The following NOL4 variants were observed in gnomAD, a reference collection of about 807,000 sequenced individuals.
The protein encoded by NOL4 is nucleolar protein 4.
In NOL4, 17 loss-of-function variants were observed where a neutral mutation model predicts 75.9. The observed-to-expected ratio is 0.22, with a 90% CI of 0.15 to 0.34. NOL4 has a LOEUF of 0.34. Ranked by LOEUF, NOL4 falls within the 10% of genes least tolerant of loss-of-function variation. The pLI is 1.00. For synonymous variants in NOL4, 292 were observed against 289.9 expected (o/e 1.01, Z -0.07); for missense variants, 614 against 793.5 (o/e 0.77, Z 2.72).
At chr18:33,938,622 GA>G (rs1466585068) in intron 9 of NOL4, among the ~76,000 whole-genome samples, 1 of 151,832 alleles carries the variant, frequency 6.6e-6, no homozygotes, top group African/African-American at 2.4e-5. Flanking sequence ...ACTTTTTGAT[GA>G]GGTTGTTTTT....
At chr18:34,221,169 G>A (rs1461445687) in intron 1 of NOL4, 1 of 152,052 alleles carries the variant, frequency 6.6e-6, no homozygotes, top group African/African-American at 2.4e-5. Context: ...GACAGTTAGA[G>A]GGACCTAAGT....
rs555585063 is a variant in NOL4, at chr18:34,047,748, A to C, written c.773-28147T>G. 3.9e-5 allele frequency among the ~76,000 whole-genome samples: 6 copies of C among 152,232 alleles called. No individual in the cohort carries two copies. In the South Asian group the frequency reaches 1.2e-3, roughly 32 times the overall value. ...GAATTGGGGAAGGAACTGTGTAAGCACAAACCAAAGAGGAAAAGAAAATGA... is the reference window on the plus strand; with the variant it reads ...GAATTGGGGAAGGAACTGTGTAAGCCCAAACCAAAGAGGAAAAGAAAATGA... On this transcript the variant is annotated intron_variant, in intron 5 of 10. Transcript: ENST00000261592.
At chr18:34,183,288 G>A (rs2034191383) in intron 1 of NOL4, among the ~76,000 whole-genome samples, 1 of 151,824 alleles carries the variant, frequency 6.6e-6, no homozygotes, top group African/African-American at 2.4e-5. Context: ...ATAAGCATAG[G>A]AAAAGGTGTT....
At chr18:34,209,872 T>G (rs556170325) in intron 1 of NOL4, among the ~76,000 whole-genome samples, 2 of 152,186 alleles carry the variant, frequency 1.3e-5, no homozygotes, top group African/African-American at 4.8e-5. Flanking sequence ...CTTATGGATA[T>G]AAATATTTTC....
chr18:33,977,587 C>T (rs1452321136), intron 6 of NOL4, among the ~76,000 whole-genome samples: 2 of 152,142 alleles, frequency 1.3e-5, no homozygotes, highest in African/African-American at 4.8e-5. Context: ...TAGGGTATTT[C>T]TTCACAGCAG....
rs140986673 is a variant in NOL4 at position 34,059,843 on chromosome 18, G to A, written c.772+33622C>T. On this transcript the variant is annotated intron_variant, in intron 5 of 10. Coordinates refer to ENST00000261592, the MANE Select transcript of NOL4 (RefSeq NM_003787.5). ...TGCAGAGACCATGTAGGGAGAGGTC[G>A]CATGAAGAGGAAGAGGCTCTGACAC... Among the ~76,000 whole-genome samples the A allele has an allele frequency of 3.1e-3, 468 of 152,202 alleles. 3 individuals are homozygous for A. Among genetic ancestry groups the A allele is most frequent in the Middle Eastern group, 0.017 (5 of 294 alleles).
At chr18:33,924,726 A>G (rs770352041) in intron 9 of NOL4, among the ~76,000 whole-genome samples, 4 of 152,224 alleles carry the variant, frequency 2.6e-5, no homozygotes, top group Non-Finnish European at 5.9e-5. Flanking sequence ...GGCCATTACA[A>G]TGTTAGCGGG....
chr18:33,922,571 G>T (rs966617297), intron 9 of NOL4, among the ~76,000 whole-genome samples: 1 of 152,146 alleles, frequency 6.6e-6, no homozygotes, highest in Non-Finnish European at 1.5e-5. Flanking sequence ...CCTTTAGTCA[G>T]TTGCATCTCA....
At chr18:33,919,960 T>C (rs2066933879) in intron 9 of NOL4, among the ~76,000 whole-genome samples, 1 of 152,212 alleles carries the variant, frequency 6.6e-6, no homozygotes, top group Admixed American at 6.5e-5. Context: ...AATAACAACA[T>C]AATAGACTAC....
intron 9 of NOL4, among the ~76,000 whole-genome samples, chr18:33,897,918 T>A (rs535553691): frequency 2.0e-5 from 3 of 152,212 alleles, no homozygotes; most frequent in South Asian, 4.1e-4. Context: ...ATCTCCTTTT[T>A]AAAATAACTT....
intron 6 of NOL4, among the ~76,000 whole-genome samples, chr18:33,971,771 A>AT (rs199711425): frequency 2.2e-4 from 34 of 151,700 alleles, no homozygotes; most frequent in African/African-American, 7.0e-4. Flanking sequence ...TTATATAAAT[A>AT]TTTTTTTTTC....
intron 9 of NOL4, among the ~76,000 whole-genome samples, chr18:33,916,532 A>ACTG (rs1253301809): frequency 6.6e-6 from 1 of 152,190 alleles, no homozygotes; most frequent in Non-Finnish European, 1.5e-5. Flanking sequence ...AGTGAACCAC[A>ACTG]AGTATAAATT....
chr18:34,023,909 T>A (rs1259573078), intron 5 of NOL4, among the ~76,000 whole-genome samples: 1 of 151,940 alleles, frequency 6.6e-6, no homozygotes, highest in African/African-American at 2.4e-5. Context: ...CCTCCATGAA[T>A]TAGTAGAGAC....
chr18:33,907,744 C>T (rs1016535601), intron 9 of NOL4, among the ~76,000 whole-genome samples: 1 of 152,066 alleles, frequency 6.6e-6, no homozygotes, highest in Non-Finnish European at 1.5e-5. Context: ...GCAATTTAAT[C>T]AAATTTGTGA....
In NOL4 at chr18:33,897,334, T is replaced by C. The variant is rs116158424; in HGVS notation, c.1543-13910A>G. The stretch of plus-strand genomic sequence containing the variant: ...CATGTGAATGTTCATTGCAACACTA[T>C]TCATGATAGCAAAGACATGGAATCA... On this transcript the variant is annotated intron_variant, in intron 9 of 10. Transcript: ENST00000261592. 2.0e-3 allele frequency among the ~76,000 whole-genome samples: 299 copies of C among 152,298 alleles called. 1 individual carries two copies. The highest frequency in any genetic ancestry group is 5.8e-3 in the African/African-American group (241 of 41,574).
chr18:33,980,464 T>C (rs2145973775), intron 6 of NOL4, among the ~76,000 whole-genome samples: 1 of 152,162 alleles, frequency 6.6e-6, no homozygotes, highest in South Asian at 2.1e-4. Flanking sequence ...GAGCATTCTG[T>C]TCTTTCCGGT....
At chr18:33,925,708 G>A (rs2067283672) in intron 9 of NOL4, among the ~76,000 whole-genome samples, 1 of 152,088 alleles carries the variant, frequency 6.6e-6, no homozygotes, top group South Asian at 2.1e-4. Context: ...TCCAAAGGGA[G>A]CTAAATATTT....
intron 6 of NOL4, among the ~76,000 whole-genome samples, chr18:33,990,607 A>G (rs2072849216): frequency 6.6e-6 from 1 of 152,076 alleles, no homozygotes; most frequent in African/African-American, 2.4e-5. Flanking sequence ...CCTTACAGCC[A>G]TTTATTCTTC....
rs2076611953 is a variant in NOL4, at chr18:34,051,229, T to C, written c.773-31628A>G. Among the ~76,000 whole-genome samples, 3 of 152,140 alleles carry C rather than the reference T, an allele frequency of 2.0e-5. No individual in the cohort carries two copies. The South Asian group carries it at 6.2e-4, about 32-fold the overall frequency. ...TGCTATCAGGTATATACTTAATAAA[T>C]GAAAATAAATATTTTTAATAAAATC... is the stretch of plus-strand genomic sequence containing the variant. On this transcript the variant is annotated intron_variant, in intron 5 of 10. Transcript: ENST00000261592.
Sources: allele counts gnomAD v4.1 joint callset (sites outside exome capture counted in the v4.1 genomes callset), GRCh38; gene constraint gnomAD v4.1.1; transcripts MANE v1.5; gene names NCBI Gene and HGNC (gene_info 2026-07-23, HGNC 2026-07-21).